The following DNAJC6 variants were observed in gnomAD, a reference collection of about 807,000 sequenced individuals.
The protein encoded by DNAJC6 is DnaJ heat shock protein family (Hsp40) member C6.
DNAJC6 carries 34 observed loss-of-function variants against 110.0 expected under a neutral mutation model. The observed-to-expected ratio is 0.31, with a 90% CI of 0.24 to 0.41. The LOEUF (loss-of-function observed/expected upper bound fraction) is 0.41, where lower values mean the gene tolerates loss of function less well. Among genes scored for constraint, DNAJC6 ranks in the 10% least tolerant of loss-of-function variants. DNAJC6 has a pLI of 1.00. For synonymous variants in DNAJC6, 406 were observed against 437.2 expected (o/e 0.93, Z 0.89); for missense variants, 1,031 against 1,207.8 (o/e 0.85, Z 2.17).
chr1:65,414,317 G>C lies in DNAJC6; in HGVS notation c.*1292G>C, dbSNP rs916081665. The C allele has an allele frequency of 1.3e-5, 2 of 152,560 alleles. No individual in the cohort carries two copies. Among genetic ancestry groups the C allele is most frequent in the East Asian group, 3.8e-4 (2 of 5,206 alleles). The allele number at this position is 152,560 out of a possible 1,614,324, so 9.5% of individuals were successfully genotyped here. ...TGGTTCTCATTTTAAGGGGTAAGCA[G>C]TTTGCTATTCTGTGACTTTAGTAGA... On this transcript the variant is annotated 3_prime_UTR_variant, in exon 19 of 19. Coordinates refer to ENST00000371069, the MANE Select transcript of DNAJC6 (RefSeq NM_001256864.2).
intron 1 of DNAJC6, among the ~76,000 whole-genome samples, chr1:65,355,554 G>C (rs935395608): frequency 5.3e-5 from 8 of 152,128 alleles, no homozygotes; most frequent in Non-Finnish European, 1.0e-4. Context: ...CACAGCTGTA[G>C]CTTATACCAC....
intron 1 of DNAJC6, among the ~76,000 whole-genome samples, chr1:65,318,540 A>G (rs1645168346): frequency 6.6e-6 from 1 of 152,252 alleles, no homozygotes; most frequent in Non-Finnish European, 1.5e-5. Flanking sequence ...GAATGAGATC[A>G]TGACCTTTGC....
rs149253934 is a variant in DNAJC6 at position 65,370,799 on chromosome 1, G to A, written c.543+4603G>A. On this transcript the variant is annotated intron_variant, in intron 4 of 18. Coordinates refer to ENST00000371069, the MANE Select transcript of DNAJC6 (RefSeq NM_001256864.2). ...TTTGGAAAATGTATTATCAACTTGG[G>A]TGTCTTAAAGGACTCATGATTGAAG... is the stretch of plus-strand genomic sequence containing the variant. Among the ~76,000 whole-genome samples, 272 of 152,214 alleles carry A rather than the reference G, an allele frequency of 1.8e-3. 2 individuals are homozygous for A. Among genetic ancestry groups the A allele is most frequent in the African/African-American group, 6.3e-3 (261 of 41,522 alleles).
intron 11 of DNAJC6, among the ~76,000 whole-genome samples, chr1:65,391,646 T>G (rs1446850279): frequency 6.6e-6 from 1 of 151,904 alleles, no homozygotes; most frequent in Non-Finnish European, 1.5e-5. Flanking sequence ...GATAATGGTT[T>G]GTACTACCCT....
intron 1 of DNAJC6, among the ~76,000 whole-genome samples, chr1:65,302,073 A>C (rs1322313697): frequency 7.7e-6 from 1 of 129,200 alleles, no homozygotes; most frequent in Non-Finnish European, 1.6e-5. Context: ...TTTTATATAT[A>C]ATACGTATTA....
upstream of DNAJC6, among the ~76,000 whole-genome samples, chr1:65,308,785 G>A (rs1645067829): frequency 6.6e-6 from 1 of 152,150 alleles, no homozygotes; most frequent in Admixed American, 6.5e-5. Flanking sequence ...AAATGGTGGC[G>A]GATCTGAAAA....
At chr1:65,380,154 G>A (rs1355044322) in intron 5 of DNAJC6, among the ~76,000 whole-genome samples, 2 of 152,160 alleles carry the variant, frequency 1.3e-5, no homozygotes, top group Admixed American at 1.3e-4. Flanking sequence ...AATACTCTGT[G>A]TCATAGTAAG....
At chr1:65,335,384 G>A (rs902881291) in intron 1 of DNAJC6, among the ~76,000 whole-genome samples, 1 of 151,700 alleles carries the variant, frequency 6.6e-6, no homozygotes, top group East Asian at 1.9e-4. Context: ...AAAGTGCTGC[G>A]ATTACAGGCA....
intron 18 of DNAJC6, among the ~76,000 whole-genome samples, chr1:65,411,997 G>T (rs937412133): frequency 6.6e-6 from 1 of 152,074 alleles, no homozygotes; most frequent in Non-Finnish European, 1.5e-5. Flanking sequence ...AAAGTAAATT[G>T]TGTCCTGGCT....
chr1:65,376,341 CT>C (rs1209088131), intron 4 of DNAJC6, among the ~76,000 whole-genome samples: 1 of 151,740 alleles, frequency 6.6e-6, no homozygotes. Flanking sequence ...AAAAAACAAC[CT>C]TTTATTTTGT....
intron 1 of DNAJC6, among the ~76,000 whole-genome samples, chr1:65,325,953 A>G (rs905366017): frequency 1.3e-5 from 2 of 152,246 alleles, no homozygotes; most frequent in African/African-American, 4.8e-5. Context: ...GCACTGCACT[A>G]AGATGTTATG....
At chr1:65,264,774 A>G (rs1653258670) in exon 1 of DNAJC6, 2 of 1,480,200 alleles carry the variant, frequency 1.4e-6, no homozygotes, top group Non-Finnish European at 1.8e-6. Flanking sequence ...CTTGCATGCA[A>G]TTATCATAGC....
upstream of DNAJC6, among the ~76,000 whole-genome samples, chr1:65,308,246 C>T (rs1645062756): frequency 6.6e-6 from 1 of 152,188 alleles, no homozygotes; most frequent in African/African-American, 2.4e-5. Flanking sequence ...GAAAGCAAAG[C>T]TGGCTTTGTG....
intron 1 of DNAJC6, among the ~76,000 whole-genome samples, chr1:65,296,156 C>T (rs1371452492): frequency 1.3e-5 from 2 of 152,160 alleles, no homozygotes; most frequent in Non-Finnish European, 2.9e-5. Context: ...AAGAGTCATA[C>T]TCTGTTATTC....
intron 1 of DNAJC6, among the ~76,000 whole-genome samples, chr1:65,321,889 G>C (rs2101417196): frequency 6.6e-6 from 1 of 152,274 alleles, no homozygotes; most frequent in South Asian, 2.1e-4. Context: ...AAGCTGGAGG[G>C]ATAGGACAGG....
rs948694692 is a variant in DNAJC6 at position 65,414,793 on chromosome 1, G to A, written c.*1768G>A. 5 of 152,634 alleles carry A rather than the reference G, an allele frequency of 3.3e-5. No individual in the cohort carries two copies. The highest frequency in any genetic ancestry group is 7.2e-5 in the African/African-American group (3 of 41,454). 9.5% of individuals were successfully genotyped at this position (152,634 alleles called of 1,614,324 possible). On this transcript the variant is annotated 3_prime_UTR_variant, in exon 19 of 19. Coordinates refer to ENST00000371069, the MANE Select transcript of DNAJC6 (RefSeq NM_001256864.2). ...CTTGTCTTATTTAAAATTGGAATGTGAGACATGTTGCTGTGACCTGTTTTT... is the reference window on the plus strand; with the variant it reads ...CTTGTCTTATTTAAAATTGGAATGTAAGACATGTTGCTGTGACCTGTTTTT...
chr1:65,332,788 A>C (rs1199807463), intron 1 of DNAJC6, among the ~76,000 whole-genome samples: 2 of 152,234 alleles, frequency 1.3e-5, no homozygotes, highest in African/African-American at 4.8e-5. Flanking sequence ...ATAAGATACC[A>C]GTGCTGTTTT....
intron 1 of DNAJC6, among the ~76,000 whole-genome samples, chr1:65,281,126 C>T (rs1557495886): frequency 6.6e-6 from 1 of 152,032 alleles, no homozygotes; most frequent in Non-Finnish European, 1.5e-5. Flanking sequence ...GGGCTTTCAC[C>T]ATGTTGGCCA....
At chr1:65,270,263 C>A (rs1225909891) in intron 1 of DNAJC6, among the ~76,000 whole-genome samples, 1 of 152,086 alleles carries the variant, frequency 6.6e-6, no homozygotes, top group East Asian at 1.9e-4. Context: ...TATTTCACTT[C>A]TCTTTTACAT....
Sources: allele counts gnomAD v4.1 joint callset (sites outside exome capture counted in the v4.1 genomes callset), GRCh38; gene constraint gnomAD v4.1.1; transcripts MANE v1.5; gene names NCBI Gene and HGNC (gene_info 2026-07-23, HGNC 2026-07-21).